The following IQCM variants were observed in gnomAD, a reference collection of about 807,000 sequenced individuals.
The protein encoded by IQCM is IQ domain-containing protein M.
A neutral mutation model predicts 57.6 loss-of-function variants in IQCM; 45 were observed. The observed-to-expected ratio is 0.78, with a 90% CI of 0.62 to 1.00. IQCM has a LOEUF of 1.00. Ranked by LOEUF, IQCM falls within the 50% of genes least tolerant of loss-of-function variation. The pLI, the probability that IQCM is intolerant of heterozygous loss-of-function variation, is 0.00. For missense variants in IQCM, 468 were observed against 511.6 expected (o/e 0.91, Z 0.82); for synonymous variants, 148 against 158.9 (o/e 0.93, Z 0.51).
At chr4:149,701,576 C>A (rs1384341738) in intron 5 of IQCM, among the ~76,000 whole-genome samples, 2 of 152,028 alleles carry the variant, frequency 1.3e-5, no homozygotes, top group Non-Finnish European at 2.9e-5. Flanking sequence ...CACTGAATTA[C>A]TGAGCAGTGC....
At chr4:149,534,050 G>A (rs530765842) in intron 12 of IQCM, among the ~76,000 whole-genome samples, 1 of 152,250 alleles carries the variant, frequency 6.6e-6, no homozygotes, top group African/African-American at 2.4e-5. Flanking sequence ...ATTTTAGACA[G>A]TGACAGTGAT....
At chr4:149,362,446 G>A (rs193077237) in intron 13 of IQCM, among the ~76,000 whole-genome samples, 8 of 152,166 alleles carry the variant, frequency 5.3e-5, no homozygotes, top group African/African-American at 1.9e-4. Flanking sequence ...GTTGTGGGAG[G>A]GACCCATGGG....
intron 12 of IQCM, among the ~76,000 whole-genome samples, chr4:149,468,176 G>T (rs1469957268): frequency 6.6e-6 from 1 of 152,094 alleles, no homozygotes; most frequent in Non-Finnish European, 1.5e-5. Flanking sequence ...GCTGGGCGGG[G>T]CATCGCCTCA....
intron 12 of IQCM, among the ~76,000 whole-genome samples, chr4:149,515,728 G>C (rs900344888): frequency 6.6e-6 from 1 of 152,180 alleles, no homozygotes; most frequent in Non-Finnish European, 1.5e-5. Flanking sequence ...AAAATAACCA[G>C]ATGAGCAATT....
At chr4:149,547,786 T>G (rs997385656) in intron 12 of IQCM, among the ~76,000 whole-genome samples, 1 of 152,258 alleles carries the variant, frequency 6.6e-6, no homozygotes, top group South Asian at 2.1e-4. Context: ...ATAAACCATT[T>G]TAATTTGTCA....
At chr4:149,717,195 G>A (rs1765077156) in intron 5 of IQCM, among the ~76,000 whole-genome samples, 1 of 152,202 alleles carries the variant, frequency 6.6e-6, no homozygotes, top group South Asian at 2.1e-4. Flanking sequence ...GCCAGTTGTT[G>A]AGAAATTCTA....
At chr4:149,503,051 A>C in intron 12 of IQCM, among the ~76,000 whole-genome samples, 1 of 147,358 alleles carries the variant, frequency 6.8e-6, no homozygotes, top group East Asian at 1.9e-4. Flanking sequence ...CAACTCTACA[A>C]AAAAAAAATT....
At chr4:149,702,429 T>C (rs1256497918) in intron 5 of IQCM, among the ~76,000 whole-genome samples, 1 of 151,674 alleles carries the variant, frequency 6.6e-6, no homozygotes, top group Non-Finnish European at 1.5e-5. Context: ...CATAAATAAA[T>C]GACAATAAAC....
Position 149,763,287 on chromosome 4 carries a change from A to C in IQCM, c.-48-20548T>G, listed in dbSNP as rs191893602. 3.3e-5 allele frequency among the ~76,000 whole-genome samples: 5 copies of C among 152,112 alleles called. No individual in the cohort carries two copies. In the East Asian group the frequency reaches 9.7e-4, roughly 29 times the overall value. On this transcript the variant is annotated intron_variant, in intron 2 of 13. Coordinates refer to ENST00000636793, the MANE Select transcript of IQCM (RefSeq NM_001363507.2). ...GTTTGTATCCTAAACTATTAGTTGG[A>C]AAGATGGACAAGCAGATCCCAAATC...
chr4:149,694,503 C>G (rs1368696453), intron 5 of IQCM, among the ~76,000 whole-genome samples: 1 of 152,066 alleles, frequency 6.6e-6, no homozygotes, highest in Non-Finnish European at 1.5e-5. Flanking sequence ...TCCCACTGTT[C>G]TCCTGACCTT....
At chr4:149,748,736 A>C (rs1768161580) in intron 2 of IQCM, 1 of 152,214 alleles carries the variant, frequency 6.6e-6, no homozygotes, top group Admixed American at 6.5e-5. Flanking sequence ...ACTATCATTC[A>C]TAGTGGTTAG....
rs544589667 is a variant in IQCM, at chr4:149,530,659, C to T, written c.1228+17796G>A. On this transcript the variant is annotated intron_variant, in intron 12 of 13. Coordinates refer to ENST00000636793, the MANE Select transcript of IQCM (RefSeq NM_001363507.2). Reference sequence around the variant, plus strand: ...TACCACTGATAGTTACCACTAGGGGCCTGATTCAGATAAGACAGTCACAGA... The same window carrying T: ...TACCACTGATAGTTACCACTAGGGGTCTGATTCAGATAAGACAGTCACAGA... Among the ~76,000 whole-genome samples, 49 of 152,166 alleles carry T rather than the reference C, an allele frequency of 3.2e-4. 1 individual carries two copies. Among genetic ancestry groups the T allele is most frequent in the Non-Finnish European group, 5.9e-4 (40 of 67,984 alleles).
intron 5 of IQCM, 139 bp downstream of exon 5, chr4:149,733,105 T>A (rs1177695956): frequency 9.5e-6 from 7 of 736,050 alleles, no homozygotes; most frequent in Non-Finnish European, 1.3e-5. Context: ...GCTCTAATAA[T>A]CAGGCCTCCC....
intron 7 of IQCM, among the ~76,000 whole-genome samples, chr4:149,675,100 G>A (rs1406290058): frequency 6.6e-6 from 1 of 151,978 alleles, no homozygotes; most frequent in African/African-American, 2.4e-5. Context: ...GGGAGGAAAA[G>A]AGCTCAAGGA....
At chr4:149,370,711 C>G (rs532853327) in intron 13 of IQCM, among the ~76,000 whole-genome samples, 1 of 152,206 alleles carries the variant, frequency 6.6e-6, no homozygotes, top group South Asian at 2.1e-4. Context: ...TTCTTCTAAC[C>G]TTTCCCTGTA....
chr4:149,420,849 G>A lies in IQCM; in HGVS notation c.1390+12547C>T, dbSNP rs376785298. 2.0e-4 allele frequency among the ~76,000 whole-genome samples: 30 copies of A among 152,086 alleles called. No homozygotes were observed. The East Asian group carries it at 5.6e-3, about 28-fold the overall frequency. ...GACTTTTGCCTATACCTATGGCAAGGTGTAGTGAGGCACCAGCATCTGCTA... is the reference window on the plus strand; with the variant it reads ...GACTTTTGCCTATACCTATGGCAAGATGTAGTGAGGCACCAGCATCTGCTA... On this transcript the variant is annotated intron_variant, in intron 13 of 13. Transcript: ENST00000636793.
At chr4:149,505,515 T>C (rs1382755100) in intron 12 of IQCM, among the ~76,000 whole-genome samples, 1 of 152,184 alleles carries the variant, frequency 6.6e-6, no homozygotes, top group African/African-American at 2.4e-5. Context: ...AGTTTTTACC[T>C]GATCATATAC....
chr4:149,608,624 T>C (rs1423993244), intron 8 of IQCM, among the ~76,000 whole-genome samples: 2 of 151,818 alleles, frequency 1.3e-5, no homozygotes, highest in Admixed American at 1.3e-4. Context: ...TTGAAAATGG[T>C]AGAAACATAT....
At chr4:149,668,542 G>C (rs1190778336) in intron 7 of IQCM, among the ~76,000 whole-genome samples, 1 of 152,038 alleles carries the variant, frequency 6.6e-6, no homozygotes, top group East Asian at 1.9e-4. Context: ...ATAACGTTAG[G>C]GGAAATACCT....
Sources: gnomAD v4.1 joint callset for allele counts (sites outside exome capture counted in the v4.1 genomes callset) on GRCh38, gnomAD v4.1.1 for gene constraint, MANE v1.5 for transcripts, NCBI Gene and HGNC (gene_info 2026-07-23, HGNC 2026-07-21) for gene names.